Variants in KLRG2 observed in about 807,000 individuals in gnomAD.
KLRG2 encodes the protein killer cell lectin-like receptor subfamily G member 2.
Under a neutral mutation model 35.4 loss-of-function variants are expected in KLRG2, and 39 were observed. The ratio of observed to expected loss-of-function variants is 1.10; its 90% confidence interval spans 0.85 to 1.44. The LOEUF is 1.44. KLRG2 is among the 40% of genes most tolerant of loss of function. KLRG2 has a pLI of 0.00. For synonymous variants in KLRG2, 283 were observed against 265.8 expected, an observed-to-expected ratio of 1.06 and a Z score of -0.63; for missense variants, 632 against 570.9, an observed-to-expected ratio of 1.11 and a Z score of -1.09.
At chr7:139,429,379 TC>T in the KLRG2 span, among the ~76,000 whole-genome samples, 3,015 of 142,404 alleles carry the variant, frequency 0.021, 44 homozygotes, top group Middle Eastern at 0.051. Context: ...TTTTTCTTTT[TC>T]TTTTTCTTTT....
At chr7:139,432,361 G>A in the KLRG2 span, among the ~76,000 whole-genome samples, 986 of 149,464 alleles carry the variant, frequency 6.6e-3, 9 homozygotes, top group African/African-American at 0.023. Context: ...TTTGAAAAAA[G>A]AAAAAGAAAA....
the KLRG2 span, among the ~76,000 whole-genome samples, chr7:139,444,642 CT>C: frequency 6.6e-6 from 1 of 152,212 alleles, no homozygotes; most frequent in Non-Finnish European, 1.5e-5. Context: ...TGTGGACCCC[CT>C]GATCTCAGAC....
rs181054466 is a variant in KLRG2 at position 139,468,499 on chromosome 7, T to C, written c.1005+11128A>G. Among the ~76,000 whole-genome samples the C allele has an allele frequency of 3.0e-3, 461 of 152,270 alleles. 2 individuals are homozygous for C. The highest frequency in any genetic ancestry group is 9.5e-3 in the South Asian group (46 of 4,828). ...GAACAACCCTCTTTGACTGTAATTT[T>C]CCACTACCCACCCAAATCCTATAAA... On this transcript the variant is annotated intron_variant, in intron 3 of 4. Transcript: ENST00000340940.
chr7:139,462,944 C>A (rs953850870), intron 3 of KLRG2, among the ~76,000 whole-genome samples: 1 of 152,152 alleles, frequency 6.6e-6, no homozygotes, highest in African/African-American at 2.4e-5. Flanking sequence ...CCAGGCCTAG[C>A]CAGGTCCCAA....
downstream of KLRG2, among the ~76,000 whole-genome samples, chr7:139,452,050 C>T (rs1183617096): frequency 2.6e-4 from 38 of 148,462 alleles, no homozygotes; most frequent in Non-Finnish European, 1.5e-5. Context: ...CTCACTGCAA[C>T]CTCCGCCTCC....
At chr7:139,441,086 A>G in the KLRG2 span, among the ~76,000 whole-genome samples, 1 of 152,248 alleles carries the variant, frequency 6.6e-6, no homozygotes, top group African/African-American at 2.4e-5. Flanking sequence ...CTCTATCAAA[A>G]AATACAAAAA....
intron 3 of KLRG2, among the ~76,000 whole-genome samples, chr7:139,460,105 C>T (rs140100805): frequency 0.13 from 19,644 of 152,088 alleles, 3,924 homozygotes; most frequent in African/African-American, 0.43. Flanking sequence ...AGGCCGGTCT[C>T]AAACTCCTGA....
At chr7:139,468,820 G>A (rs1242114607) in intron 3 of KLRG2, among the ~76,000 whole-genome samples, 4 of 152,180 alleles carry the variant, frequency 2.6e-5, no homozygotes, top group African/African-American at 7.2e-5. Context: ...AAATGTGACC[G>A]TACTTGGAGT....
At chr7:139,479,391 T>A (rs915198961) in intron 3 of KLRG2, among the ~76,000 whole-genome samples, 4 of 152,180 alleles carry the variant, frequency 2.6e-5, no homozygotes, top group Admixed American at 2.6e-4. Context: ...AAAAAAAAAT[T>A]TTTTTTAAAG....
At chr7:139,446,336 GTTTTT>G in the KLRG2 span, among the ~76,000 whole-genome samples, 5 of 92,050 alleles carry the variant, frequency 5.4e-5, no homozygotes, top group African/African-American at 1.7e-4. Context: ...ATTTTCCAGG[GTTTTT>G]TTTTTTTTTT....
At chr7:139,448,727 T>TA (rs1322205977), downstream of KLRG2, 2 of 151,638 alleles carry the variant, frequency 1.3e-5, no homozygotes, top group African/African-American at 2.4e-5. Flanking sequence ...TAAAGTTTTT[T>TA]AAAAGATAAA....
chr7:139,445,767 G>GTATATATATATATATATATATATGTA, the KLRG2 span, among the ~76,000 whole-genome samples: 6 of 89,614 alleles, frequency 6.7e-5, no homozygotes, highest in African/African-American at 6.0e-4. Context: ...ATATGTGTAT[G>GTATATATATATATATATATATATGTA]TATATATATA....
the KLRG2 span, among the ~76,000 whole-genome samples, chr7:139,429,465 G>T: frequency 6.6e-6 from 1 of 151,490 alleles, no homozygotes; most frequent in Non-Finnish European, 1.5e-5. Flanking sequence ...GTGGAGGGAA[G>T]GTCAGCAGAT....
chr7:139,483,459 G>A lies in KLRG2; in HGVS notation c.184C>T (p.Leu62=), dbSNP rs2116494572. 1 of 1,590,540 alleles carries A rather than the reference G, an allele frequency of 6.3e-7. No individual in the cohort carries two copies. The highest frequency in any genetic ancestry group is 8.5e-7 in the Non-Finnish European group (1 of 1,176,396). Residue 62 remains leucine (L), a synonymous_variant, in exon 1 of 5, where the codon CTG becomes TTG. Transcript: ENST00000340940. ...GGCTTTTTCTTGCTCGAGGGCTCCA[G>A]GCCTGCGCCCGCCGCCTTCTCCACG... ...GAVEKAAGAG[L]EPSSKKKPPS... is the part of the protein sequence containing the mutation.
intron 3 of KLRG2, among the ~76,000 whole-genome samples, chr7:139,468,665 T>A (rs1394929825): frequency 1.3e-5 from 2 of 152,328 alleles, no homozygotes; most frequent in East Asian, 3.9e-4. Flanking sequence ...AAGGATAGTG[T>A]TCTCTTTTGA....
chr7:139,473,019 C>T (rs182713951), intron 3 of KLRG2, among the ~76,000 whole-genome samples: 26 of 152,250 alleles, frequency 1.7e-4, no homozygotes, highest in Admixed American at 1.6e-3. Flanking sequence ...CGGTGGCTCG[C>T]GCCTGTAATC....
At chr7:139,443,717 A>G in the KLRG2 span, among the ~76,000 whole-genome samples, 3 of 151,976 alleles carry the variant, frequency 2.0e-5, no homozygotes, top group Admixed American at 6.6e-5. Flanking sequence ...GTGTGCCACC[A>G]CGCCTGGCTA....
intron 3 of KLRG2, among the ~76,000 whole-genome samples, chr7:139,476,059 T>A (rs1796844842): frequency 6.6e-6 from 1 of 151,858 alleles, no homozygotes; most frequent in African/African-American, 2.4e-5. Flanking sequence ...ACCAGCCAAG[T>A]GATTGTTAGC....
chr7:139,454,392 A>C (rs1013206274), intron 3 of KLRG2, among the ~76,000 whole-genome samples, 178 bp from the exon 4 acceptor site: 6 of 152,212 alleles, frequency 3.9e-5, no homozygotes, highest in African/African-American at 1.4e-4. Context: ...GCTGGGTGCC[A>C]GGTTCTGTGC....
Sources: gnomAD v4.1 joint callset for allele counts (sites outside exome capture counted in the v4.1 genomes callset) on GRCh38, gnomAD v4.1.1 for gene constraint, MANE v1.5 for transcripts, NCBI Gene and HGNC (gene_info 2026-07-23, HGNC 2026-07-21) for gene names.